The following SMYD3 variants were observed in gnomAD, a reference collection of about 807,000 sequenced individuals.
SMYD3 encodes SET and MYND domain containing 3.
Under a neutral mutation model 57.7 loss-of-function variants are expected in SMYD3, and 36 were observed. That is an observed-to-expected ratio of 0.62 (90% confidence interval 0.48 to 0.82). SMYD3 has a LOEUF of 0.82. Among genes scored for constraint, SMYD3 ranks in the 40% least tolerant of loss-of-function variants. The pLI, the probability that SMYD3 is intolerant of heterozygous loss-of-function variation, is 0.00. For synonymous variants in SMYD3, 211 were observed against 195.0 expected, an observed-to-expected ratio of 1.08 and a Z score of -0.68; for missense variants, 515 against 538.8, an observed-to-expected ratio of 0.96 and a Z score of 0.44.
Position 245,764,151 on chromosome 1 carries a change from T to C in SMYD3, c.1077-2A>G. The C allele has an allele frequency of 6.2e-7, 1 of 1,611,136 alleles. No homozygotes were observed. Among genetic ancestry groups the C allele is most frequent in the Non-Finnish European group, 8.5e-7 (1 of 1,177,370 alleles). ...GGATGGCTTCCTGGGAAAAAAATCC[T>C]GGAAGAAACCAAACGGCAAACAGTG... On this transcript the variant is annotated splice_acceptor_variant, in intron 10 of 11. Coordinates refer to ENST00000490107, the MANE Select transcript of SMYD3 (RefSeq NM_001167740.2). LOFTEE classifies it high-confidence loss of function.
At chr1:245,843,259 G>C (rs1055112852) in intron 10 of SMYD3, among the ~76,000 whole-genome samples, 9 of 152,086 alleles carry the variant, frequency 5.9e-5, no homozygotes, top group Admixed American at 2.0e-4. Flanking sequence ...ACAGGATGTG[G>C]ACGAGTAAAG....
chr1:246,291,781 G>A (rs2064695780), intron 5 of SMYD3, among the ~76,000 whole-genome samples: 1 of 152,170 alleles, frequency 6.6e-6, no homozygotes, highest in Non-Finnish European at 1.5e-5. Flanking sequence ...GTAGAAAGAA[G>A]AAAATATTAG....
At chr1:246,456,808 T>C (rs928528771) in intron 1 of SMYD3, among the ~76,000 whole-genome samples, 7 of 152,158 alleles carry the variant, frequency 4.6e-5, no homozygotes, top group Admixed American at 3.9e-4. Context: ...ACTGGAGACA[T>C]GGCTAAGGTA....
chr1:245,958,709 A>G (rs1005308922), intron 5 of SMYD3, among the ~76,000 whole-genome samples: 8 of 152,204 alleles, frequency 5.3e-5, no homozygotes, highest in Admixed American at 2.6e-4. Flanking sequence ...GCTACATTTT[A>G]TCCTACTTTG....
chr1:246,156,828 T>G (rs1004444945), intron 5 of SMYD3, among the ~76,000 whole-genome samples: 1 of 152,138 alleles, frequency 6.6e-6, no homozygotes, highest in African/African-American at 2.4e-5. Context: ...AGGAATTACC[T>G]ACACTAAAAA....
At chr1:245,800,723 C>T (rs963868976) in intron 10 of SMYD3, among the ~76,000 whole-genome samples, 17 of 151,814 alleles carry the variant, frequency 1.1e-4, no homozygotes, top group African/African-American at 3.9e-4. Context: ...GTTTTTTTTC[C>T]TAAAGCAAGT....
intron 5 of SMYD3, among the ~76,000 whole-genome samples, chr1:246,061,077 G>A (rs1021999380): frequency 6.6e-6 from 1 of 152,030 alleles, no homozygotes; most frequent in Non-Finnish European, 1.5e-5. Context: ...ACAAAAATTA[G>A]CCAGGCGTGC....
chr1:245,849,753 A>G (rs895171089), intron 10 of SMYD3, among the ~76,000 whole-genome samples: 4 of 152,152 alleles, frequency 2.6e-5, no homozygotes, highest in Admixed American at 6.5e-5. Flanking sequence ...CCCAGACTCA[A>G]GCGATCCTCT....
intron 1 of SMYD3, among the ~76,000 whole-genome samples, chr1:246,372,208 A>C (rs182217030): frequency 5.3e-5 from 8 of 152,208 alleles, no homozygotes; most frequent in African/African-American, 1.9e-4. Context: ...ATAGCCATGG[A>C]ACGACAGTTA....
At chr1:246,113,147 C>T (rs1175813090) in intron 5 of SMYD3, among the ~76,000 whole-genome samples, 1 of 151,374 alleles carries the variant, frequency 6.6e-6, no homozygotes, top group African/African-American at 2.4e-5. Flanking sequence ...ACGCCACTGC[C>T]CTCCAGCCTG....
rs139234152 is a variant in SMYD3, at chr1:245,991,579, T to A, written c.532-61642A>T. On this transcript the variant is annotated intron_variant, in intron 5 of 11. Transcript: ENST00000490107. ...AGGCTGGGGCATCTAAGCTCACTCC[T>A]GTGGTTGCTGGGGAACCTCAGTCAC... 7.1e-4 allele frequency among the ~76,000 whole-genome samples: 108 copies of A among 152,342 alleles called. No homozygotes were observed. In the East Asian group the frequency reaches 0.016, roughly 23 times the overall value.
intron 5 of SMYD3, among the ~76,000 whole-genome samples, chr1:245,946,171 A>G (rs1267524688): frequency 2.0e-5 from 3 of 152,166 alleles, no homozygotes; most frequent in African/African-American, 7.2e-5. Context: ...TGCCTGAAAT[A>G]CCACAATTTA....
At chr1:246,461,321 C>T (rs1263557642) in intron 1 of SMYD3, among the ~76,000 whole-genome samples, 1 of 152,068 alleles carries the variant, frequency 6.6e-6, no homozygotes, top group Non-Finnish European at 1.5e-5. Flanking sequence ...TTCCTAAATA[C>T]CTAGTACATG....
intron 5 of SMYD3, among the ~76,000 whole-genome samples, chr1:246,017,860 T>C (rs1033549219): frequency 8.5e-5 from 13 of 152,202 alleles, no homozygotes; most frequent in African/African-American, 2.4e-4. Context: ...ACTACCGTTA[T>C]TTTGATGCTG....
At position 245,768,244 on chromosome 1, in the gene SMYD3, T is replaced by C. The variant is rs115992324; in HGVS notation, c.1077-4095A>G. Among the ~76,000 whole-genome samples, 546 of 152,296 alleles carry C rather than the reference T, an allele frequency of 3.6e-3. 1 individual carries two copies. Among genetic ancestry groups the C allele is most frequent in the Admixed American group, 7.3e-3 (111 of 15,302 alleles). ...GAAAAAAATGTTTTTGGTGTTTCTA[T>C]GGTGAATAAGTGCATAAGAAGAAAT... On this transcript the variant is annotated intron_variant, in intron 10 of 11. Coordinates refer to ENST00000490107, the MANE Select transcript of SMYD3 (RefSeq NM_001167740.2).
chr1:246,248,016 T>C (rs2063737079), intron 5 of SMYD3, among the ~76,000 whole-genome samples: 1 of 152,146 alleles, frequency 6.6e-6, no homozygotes, highest in Admixed American at 6.5e-5. Context: ...AAACCAACCG[T>C]TGCAGAGATT....
At chr1:246,331,067 C>G (rs2065452380) in intron 3 of SMYD3, among the ~76,000 whole-genome samples, 1 of 152,120 alleles carries the variant, frequency 6.6e-6, no homozygotes, top group Non-Finnish European at 1.5e-5. Flanking sequence ...CCCAGCAGTT[C>G]AAGCTTGCAA....
At chr1:246,192,216 A>T (rs557590302) in intron 5 of SMYD3, among the ~76,000 whole-genome samples, 99 of 152,264 alleles carry the variant, frequency 6.5e-4, no homozygotes, top group African/African-American at 2.3e-3. Flanking sequence ...CTCCTTCCTC[A>T]GCCTCCCAAG....
At chr1:246,175,801 T>C (rs945705904) in intron 5 of SMYD3, among the ~76,000 whole-genome samples, 6 of 152,232 alleles carry the variant, frequency 3.9e-5, no homozygotes, top group African/African-American at 9.6e-5. Context: ...ATTATCATTA[T>C]TCATTAAGGA....
Sources: gnomAD v4.1 joint callset for allele counts (sites outside exome capture counted in the v4.1 genomes callset) on GRCh38, gnomAD v4.1.1 for gene constraint, MANE v1.5 for transcripts, NCBI Gene and HGNC (gene_info 2026-07-23, HGNC 2026-07-21) for gene names.